Variants in JAK1 observed in about 807,000 individuals in gnomAD.
JAK1 encodes the protein tyrosine-protein kinase JAK1.
Under a neutral mutation model 136.6 loss-of-function variants are expected in JAK1, and 16 were observed. That is an observed-to-expected ratio of 0.12 (90% CI 0.08 to 0.18). The LOEUF (loss-of-function observed/expected upper bound fraction) is 0.18. JAK1 is among the 10% of genes least tolerant of loss of function. The pLI is 1.00. For missense variants in JAK1, 859 were observed against 1,450.1 expected (o/e 0.59, Z 6.62); for synonymous variants, 492 against 519.5 (o/e 0.95, Z 0.72).
In JAK1 at chr1:64,972,475, G is replaced by C. The variant is rs371704871; in HGVS notation, c.-78+72005C>G. The C allele has an allele frequency of 9.2e-5, 14 of 152,326 alleles. No homozygotes were observed. In the East Asian group the frequency reaches 9.6e-4, roughly 10 times the overall value. 9.4% of individuals were successfully genotyped at this position (152,326 alleles called of 1,614,324 possible). A position where few individuals can be genotyped will look rare whatever the true frequency, so the allele number is the denominator to read the frequency against. On this transcript the variant is annotated intron_variant, in intron 2 of 25. Coordinates refer to the JAK1 transcript ENST00000671954. Reference sequence around the variant, plus strand: ...GACTCAATCCCATTTCTGTGACTGTGTTCTAAAGCAGTCGTTTTAATATAC... The same window carrying C: ...GACTCAATCCCATTTCTGTGACTGTCTTCTAAAGCAGTCGTTTTAATATAC...
intron 19 of JAK1, among the ~76,000 whole-genome samples, chr1:64,841,033 C>T (rs747232920): frequency 6.6e-6 from 1 of 152,136 alleles, no homozygotes; most frequent in Non-Finnish European, 1.5e-5. Flanking sequence ...TGCATGCAGG[C>T]AGGGACGTGC....
chr1:65,054,016 AGTC>A (rs1413247769), intron 1 of JAK1, among the ~76,000 whole-genome samples: 1 of 152,238 alleles, frequency 6.6e-6, no homozygotes, highest in Non-Finnish European at 1.5e-5. Flanking sequence ...TGGTGGAGGT[AGTC>A]TAATGTTCCT....
intron 4 of JAK1, among the ~76,000 whole-genome samples, chr1:64,873,904 T>C (rs1657231284): frequency 6.6e-6 from 1 of 152,120 alleles, no homozygotes; most frequent in Admixed American, 6.5e-5. Context: ...CAAGACCAAT[T>C]TGATTGACAT....
At chr1:65,008,425 A>C (rs1646821129) in intron 2 of JAK1, among the ~76,000 whole-genome samples, 1 of 152,044 alleles carries the variant, frequency 6.6e-6, no homozygotes, top group South Asian at 2.1e-4. Flanking sequence ...AAAGGTTTAA[A>C]TTTTCTATGA....
At chr1:65,061,925 A>C (rs1272884115) in intron 1 of JAK1, among the ~76,000 whole-genome samples, 1 of 152,198 alleles carries the variant, frequency 6.6e-6, no homozygotes, top group Non-Finnish European at 1.5e-5. Context: ...GTTAGCCCCA[A>C]TTCTCAAAGA....
At chr1:65,032,407 T>C (rs1331944172) in intron 2 of JAK1, among the ~76,000 whole-genome samples, 1 of 152,252 alleles carries the variant, frequency 6.6e-6, no homozygotes, top group African/African-American at 2.4e-5. Context: ...GTCTGAGTAC[T>C]GGTCATTCTG....
chr1:64,902,583 A>AGAGAGAGTGTGTGT, intron 1 of JAK1, among the ~76,000 whole-genome samples: 4,605 of 73,880 alleles, frequency 0.062, 194 homozygotes, highest in Non-Finnish European at 0.077. Flanking sequence ...AGAGAGAGAG[A>AGAGAGAGTGTGTGT]GTGTGTGTGT....
chr1:64,864,304 A>G (rs1656556261), intron 8 of JAK1, among the ~76,000 whole-genome samples: 1 of 152,236 alleles, frequency 6.6e-6, no homozygotes, highest in African/African-American at 2.4e-5. Flanking sequence ...AAAAAGAGGA[A>G]GTGAGATTAA....
At chr1:64,838,344 C>T in intron 21 of JAK1, 121 bp downstream of exon 21, 1 of 1,077,612 alleles carries the variant, frequency 9.3e-7, no homozygotes, top group South Asian at 1.6e-5. Flanking sequence ...CTAAATAATG[C>T]AGAGAAAAAC....
chr1:64,979,969 G>A (rs1234137624), intron 2 of JAK1: 3 of 152,136 alleles, frequency 2.0e-5, no homozygotes, highest in South Asian at 2.1e-4. Flanking sequence ...AAATGCACGT[G>A]TATTGTCTTC....
At chr1:65,052,639 C>T (rs971660088) in intron 1 of JAK1, among the ~76,000 whole-genome samples, 2 of 152,066 alleles carry the variant, frequency 1.3e-5, no homozygotes, top group Non-Finnish European at 2.9e-5. Flanking sequence ...CGATGAAATC[C>T]CATCTCTACT....
chr1:64,924,604 A>C (rs1645551080), intron 1 of JAK1, among the ~76,000 whole-genome samples: 1 of 152,152 alleles, frequency 6.6e-6, no homozygotes, highest in African/African-American at 2.4e-5. Context: ...TGTGGCTCCT[A>C]AGCAGGTGCT....
intron 1 of JAK1, among the ~76,000 whole-genome samples, chr1:64,906,770 A>C (rs895816089): frequency 6.6e-6 from 1 of 152,226 alleles, no homozygotes; most frequent in African/African-American, 2.4e-5. Flanking sequence ...CTCATAGAGC[A>C]AGTAAATGGC....
rs1200775279 is a variant in JAK1, at chr1:64,841,532, T to A, written c.2473A>T (p.Thr825Ser). The change falls in exon 18 of 25, where the codon ACC becomes TCC. Residue 825 changes from threonine to serine, a missense_variant. By Grantham distance (58) the Thr-to-Ser change is moderately conservative. Coordinates refer to ENST00000342505, the MANE Select transcript of JAK1 (RefSeq NM_002227.4). ...PSCKELADLM[T>S]RCMNYDPNQR... is the part of the protein sequence containing the mutation. ...TTGGGGTCATAGTTCATGCAGCGGG[T>A]CATGAGGTCAGCCAGCTCCTTACAT... The A allele has an allele frequency of 6.2e-7, 1 of 1,613,938 alleles. No individual in the cohort carries two copies.
rs148359859 is a variant in JAK1 at position 64,895,612 on chromosome 1, A to G, written c.-77-9271T>C. 4.5e-3 allele frequency among the ~76,000 whole-genome samples: 693 copies of G among 152,332 alleles called. 4 individuals are homozygous for G. Among genetic ancestry groups the G allele is most frequent in the African/African-American group, 0.016 (655 of 41,572 alleles). ...CACAATGTATAGCCTATGATGTTTC[A>G]ATACAAACAGCTGGACTGAGACCCA... On this transcript the variant is annotated intron_variant, in intron 1 of 24. Coordinates refer to ENST00000342505, the MANE Select transcript of JAK1 (RefSeq NM_002227.4).
At position 64,836,178 on chromosome 1, in the gene JAK1, T is replaced by G; in HGVS notation, c.3178A>C (p.Ile1060Leu). ...PECLMQSKFY[I>L]ASDVWSFGVT... is the part of the protein sequence containing the mutation. ...CCAAAAGACCAGACGTCAGAGGCAA[T>G]ATAAAATTTAGATTGCATTAAACAT... The change falls in exon 23 of 25, where the codon ATT becomes CTT. Residue 1060 changes from isoleucine to leucine, a missense_variant. Ile to Leu is a conservative substitution (Grantham distance 5). Coordinates refer to ENST00000342505, the MANE Select transcript of JAK1 (RefSeq NM_002227.4). 2 of 1,612,822 alleles carry G rather than the reference T, an allele frequency of 1.2e-6. No individual in the cohort carries two copies. The highest frequency in any genetic ancestry group is 1.7e-6 in the Non-Finnish European group (2 of 1,178,844).
intron 2 of JAK1, among the ~76,000 whole-genome samples, chr1:65,032,730 A>C (rs1254721793): frequency 6.6e-6 from 1 of 152,194 alleles, no homozygotes; most frequent in African/African-American, 2.4e-5. Context: ...CCATCTTCTC[A>C]GTGTCTTCAT....
chr1:65,018,876 T>C (rs1646913633), intron 2 of JAK1, among the ~76,000 whole-genome samples: 1 of 152,040 alleles, frequency 6.6e-6, no homozygotes, highest in Non-Finnish European at 1.5e-5. Flanking sequence ...CCGGGCGTGG[T>C]GGCGGGCGCC....
In JAK1 at chr1:64,838,599, A is replaced by C; in HGVS notation, c.2843-10T>G. ...TTAATACCATTTCCTCCTGTTTAGAAAAAACATCCATCAGTCTGAGGCTGC... is the reference window on the plus strand; with the variant it reads ...TTAATACCATTTCCTCCTGTTTAGACAAAACATCCATCAGTCTGAGGCTGC... On this transcript the variant is annotated splice_polypyrimidine_tract_variant and intron_variant, in intron 20 of 24. Transcript: ENST00000342505. 1 of 1,612,614 alleles carries C rather than the reference A, an allele frequency of 6.2e-7. No homozygotes were observed. Among genetic ancestry groups the C allele is most frequent in the South Asian group, 1.1e-5 (1 of 91,064 alleles).
Sources: allele counts gnomAD v4.1 joint callset (sites outside exome capture counted in the v4.1 genomes callset), GRCh38; gene constraint gnomAD v4.1.1; transcripts MANE v1.5; gene names NCBI Gene and HGNC (gene_info 2026-07-23, HGNC 2026-07-21).